Variants in GPM6B observed in about 807,000 individuals in gnomAD.
The protein encoded by GPM6B is neuronal membrane glycoprotein M6-b.
Under a neutral mutation model 27.2 loss-of-function variants are expected in GPM6B, and 4 were observed. That is an observed-to-expected ratio of 0.15 (90% CI 0.07 to 0.34). The LOEUF (loss-of-function observed/expected upper bound fraction) is 0.34, where lower values mean the gene tolerates loss of function less well. Among genes scored for constraint, GPM6B ranks in the 10% least tolerant of loss-of-function variants. The pLI, the probability that GPM6B is intolerant of heterozygous loss-of-function variation, is 1.00. For synonymous variants in GPM6B, 124 were observed against 103.1 expected (o/e 1.20, Z -1.23); for missense variants, 183 against 261.9 (o/e 0.70, Z 2.08).
At chrX:13,805,151 A>C (rs1457628163) in intron 2 of GPM6B, among the ~76,000 whole-genome samples, 3 of 112,112 alleles carry the variant, frequency 2.7e-5, no homozygotes, top group Non-Finnish European at 5.6e-5. Context: ...TAATTCTTTA[A>C]ATCAAATTCA....
At chrX:13,892,470 G>C (rs1460886482) in intron 1 of GPM6B, among the ~76,000 whole-genome samples, 3 of 111,983 alleles carry the variant, frequency 2.7e-5, no homozygotes, top group Non-Finnish European at 5.6e-5. Context: ...ATCAATTTCT[G>C]TCCATGCTTA....
intron 2 of GPM6B, among the ~76,000 whole-genome samples, chrX:13,804,479 G>C (rs376994299): frequency 1.2e-3 from 131 of 110,053 alleles, no homozygotes; most frequent in Middle Eastern, 4.7e-3. Context: ...CCTGAAGGCA[G>C]AAAAGATGTG....
chrX:13,789,561 G>C (rs1376847229), intron 2 of GPM6B, among the ~76,000 whole-genome samples: 1 of 111,268 alleles, frequency 9.0e-6, no homozygotes, highest in Non-Finnish European at 1.9e-5. Flanking sequence ...GGATCACGAG[G>C]TCAGGAGATC....
chrX:13,797,473 C>T (rs1027318242), intron 2 of GPM6B, among the ~76,000 whole-genome samples: 4 of 110,637 alleles, frequency 3.6e-5, no homozygotes, highest in African/African-American at 9.9e-5. Context: ...ATGTGGGAGA[C>T]GTGGGGAGCG....
intron 3 of GPM6B, chrX:13,783,775 T>C (rs1321128952): frequency 6.6e-6 from 3 of 453,144 alleles, no homozygotes; most frequent in Non-Finnish European, 1.2e-5. Context: ...CTTTTAATCC[T>C]TACCTGAGTC....
At chrX:13,817,227 G>C, upstream of GPM6B, 1 of 845,726 alleles carries the variant, frequency 1.2e-6, no homozygotes, top group Non-Finnish European at 1.4e-6. Context: ...GTTGGGGGTA[G>C]GGGGGTGGGG....
chrX:13,871,446 A>T (rs2049977399), intron 1 of GPM6B, among the ~76,000 whole-genome samples: 1 of 112,055 alleles, frequency 8.9e-6, no homozygotes, highest in South Asian at 3.7e-4. Flanking sequence ...ACACATTTTT[A>T]AACCTTCCCC....
chrX:13,880,386 G>A lies in GPM6B; in HGVS notation c.-198+57941C>T, dbSNP rs896926881. 4.5e-5 allele frequency among the ~76,000 whole-genome samples: 5 copies of A among 111,383 alleles called. No individual in the cohort carries two copies. In the East Asian group the frequency reaches 1.4e-3, roughly 32 times the overall value. On this transcript the variant is annotated intron_variant, in intron 1 of 6. Transcript: ENST00000398361. ...GAAGCCAGAGTGACCATTTAAAAAG[G>A]CAAATCAGGCCGGGCGCGGTGGCTC...
chrX:13,854,770 A>T (rs899640509), intron 1 of GPM6B, among the ~76,000 whole-genome samples: 3 of 112,124 alleles, frequency 2.7e-5, no homozygotes, highest in Non-Finnish European at 5.6e-5. Context: ...TACTCTATGG[A>T]TATGAACAAT....
At chrX:13,910,117 C>A (rs1453630497) in intron 1 of GPM6B, among the ~76,000 whole-genome samples, 2 of 112,344 alleles carry the variant, frequency 1.8e-5, no homozygotes, top group Non-Finnish European at 3.8e-5. Flanking sequence ...CACCAGCTAC[C>A]TCCACCCTGG....
At chrX:13,808,104 A>T (rs1439394526) in intron 1 of GPM6B, among the ~76,000 whole-genome samples, 1 of 110,384 alleles carries the variant, frequency 9.1e-6, no homozygotes, top group African/African-American at 3.3e-5. Context: ...TCCTTTTCAG[A>T]CCAACAGAGC....
Position 13,779,660 on chromosome X carries a change from A to G in GPM6B, c.697+158T>C, listed in dbSNP as rs556802353. On this transcript the variant is annotated intron_variant, in intron 5 of 7. Coordinates refer to ENST00000316715, the MANE Select transcript of GPM6B (RefSeq NM_001001995.3). ...AAGCCTCCCTGAAGTTTCCACCCAG[A>G]AAATAGCATATTGAAGGGAAAAGTA... Among the ~76,000 whole-genome samples, 4 of 111,819 alleles carry G rather than the reference A, an allele frequency of 3.6e-5. No homozygotes were observed. The South Asian group carries it at 1.5e-3, about 42-fold the overall frequency.
At chrX:13,901,246 A>C (rs1280774152) in intron 1 of GPM6B, among the ~76,000 whole-genome samples, 1 of 111,306 alleles carries the variant, frequency 9.0e-6, no homozygotes. Context: ...CAGCTAAAAA[A>C]ATGCAGAGAA....
At chrX:13,873,646 C>G (rs1245928809) in intron 1 of GPM6B, among the ~76,000 whole-genome samples, 1 of 111,468 alleles carries the variant, frequency 9.0e-6, no homozygotes, top group African/African-American at 3.3e-5. Flanking sequence ...GGTCAATCCA[C>G]ATTAAGCAAT....
intron 1 of GPM6B, among the ~76,000 whole-genome samples, chrX:13,861,078 A>G (rs1173777098): frequency 2.8e-5 from 3 of 108,704 alleles, no homozygotes; most frequent in African/African-American, 1.0e-4. Context: ...ATATATATAC[A>G]TATACACACA....
intron 5 of GPM6B, 114 bp from the exon 6 acceptor site, chrX:13,777,539 TAAG>T (rs1391214047): frequency 5.9e-6 from 3 of 511,439 alleles, no homozygotes; most frequent in Non-Finnish European, 1.0e-5. Flanking sequence ...TGTTCTTCAT[TAAG>T]AATTGATGGA....
At chrX:13,813,688 C>A (rs1162756025) in intron 1 of GPM6B, among the ~76,000 whole-genome samples, 2 of 112,107 alleles carry the variant, frequency 1.8e-5, no homozygotes, top group Non-Finnish European at 3.8e-5. Flanking sequence ...GAAATGACAA[C>A]AAGTAATACT....
In GPM6B at chrX:13,889,650, T is replaced by A. The variant is rs186102955; in HGVS notation, c.-198+48677A>T. The A allele has an allele frequency of 1.3e-4, 14 of 110,720 alleles. No individual in the cohort carries two copies. In the East Asian group the frequency reaches 2.6e-3, roughly 20 times the overall value. The allele number at this position is 110,720 out of a possible 1,213,427, so 9.1% of individuals were successfully genotyped here. On this transcript the variant is annotated intron_variant, in intron 1 of 6. Transcript: ENST00000398361. ...AATGATCTCAGAATCATGGTTTTTT[T>A]TAAAAAAAATTGTGGTAAACTATAC... is the stretch of plus-strand genomic sequence containing the variant.
At chrX:13,850,205 T>A (rs2049699120) in intron 1 of GPM6B, among the ~76,000 whole-genome samples, 1 of 112,349 alleles carries the variant, frequency 8.9e-6, no homozygotes, top group South Asian at 3.7e-4. Flanking sequence ...AATACATTAA[T>A]GTCCTCTCTG....
Sources: gnomAD v4.1 joint callset for allele counts (sites outside exome capture counted in the v4.1 genomes callset) on GRCh38, gnomAD v4.1.1 for gene constraint, MANE v1.5 for transcripts, NCBI Gene and HGNC (gene_info 2026-07-23, HGNC 2026-07-21) for gene names.